The following FBXL20 variants were observed in gnomAD, a reference collection of about 807,000 sequenced individuals.
FBXL20 encodes F-box/LRR-repeat protein 20.
In FBXL20, 11 loss-of-function variants were observed where a neutral mutation model predicts 64.0. The ratio of observed to expected loss-of-function variants is 0.17; its 90% confidence interval spans 0.11 to 0.28. The LOEUF is 0.28. Among genes scored for constraint, FBXL20 ranks in the 10% least tolerant of loss-of-function variants. The probability of loss-of-function intolerance (pLI) is 1.00; values close to 1 mark genes in which losing one functional copy is unlikely to be tolerated. For synonymous variants in FBXL20, 184 were observed against 189.0 expected, an observed-to-expected ratio of 0.97 and a Z score of 0.22; for missense variants, 303 against 526.2, an observed-to-expected ratio of 0.58 and a Z score of 4.15.
chr17:39,376,637 C>A (rs1272486379), intron 1 of FBXL20, among the ~76,000 whole-genome samples: 1 of 152,182 alleles, frequency 6.6e-6, no homozygotes, highest in Non-Finnish European at 1.5e-5. Context: ...TACACAAATG[C>A]CTCTGGCAAA....
chr17:39,313,815 A>G (rs2047259122), intron 2 of FBXL20, among the ~76,000 whole-genome samples: 1 of 151,856 alleles, frequency 6.6e-6, no homozygotes. Context: ...TTGTATTTTA[A>G]GTAGAGATGC....
chr17:39,293,280 G>A (rs2047057054), intron 6 of FBXL20, among the ~76,000 whole-genome samples: 1 of 151,476 alleles, frequency 6.6e-6, no homozygotes, highest in Non-Finnish European at 1.5e-5. Flanking sequence ...GGAGTGCAGT[G>A]GCATGATCTC....
chr17:39,402,180 T>G, upstream of FBXL20: 1 of 1,232,708 alleles, frequency 8.1e-7, no homozygotes, highest in Admixed American at 4.2e-5. Context: ...CACTGTCGCC[T>G]TGAACCCAAA....
At chr17:39,401,298 C>G in intron 1 of FBXL20, 63 bp downstream of exon 1, 1 of 1,610,884 alleles carries the variant, frequency 6.2e-7, no homozygotes, top group South Asian at 1.1e-5. Flanking sequence ...GCGGAGCGGA[C>G]GTTTTGGGAT....
chr17:39,390,458 G>C (rs906636349), intron 1 of FBXL20, among the ~76,000 whole-genome samples: 8 of 151,938 alleles, frequency 5.3e-5, no homozygotes, highest in Admixed American at 5.2e-4. Context: ...CTACTAGGGA[G>C]GCTGAGGCAG....
chr17:39,392,371 C>T (rs918279836), intron 1 of FBXL20, among the ~76,000 whole-genome samples: 38 of 144,814 alleles, frequency 2.6e-4, no homozygotes, highest in African/African-American at 9.4e-4. Context: ...ACCTGGGAGG[C>T]GGAGGTTGCA....
chr17:39,263,161 G>A (rs967661327), intron 14 of FBXL20, among the ~76,000 whole-genome samples: 6 of 150,464 alleles, frequency 4.0e-5, no homozygotes, highest in African/African-American at 9.8e-5. Context: ...TGGGAGGATC[G>A]CTTGAGGCCA....
chr17:39,312,407 C>A (rs1005288365), intron 2 of FBXL20, among the ~76,000 whole-genome samples: 2 of 150,156 alleles, frequency 1.3e-5, no homozygotes, highest in Non-Finnish European at 3.0e-5. Context: ...GACCTATACT[C>A]CATCTCAAAA....
At chr17:39,322,163 CAAAAAAAAAAA>C (rs761771926) in intron 2 of FBXL20, among the ~76,000 whole-genome samples, 31 of 52,552 alleles carry the variant, frequency 5.9e-4, no homozygotes, top group African/African-American at 1.7e-3. Flanking sequence ...CTATCTCTAC[CAAAAAAAAAAA>C]AAAAAAAAAA....
chr17:39,382,424 C>G (rs1192166727), intron 1 of FBXL20, among the ~76,000 whole-genome samples: 9 of 118,012 alleles, frequency 7.6e-5, no homozygotes, highest in African/African-American at 2.5e-4. Flanking sequence ...GCCACAGCAA[C>G]AGAGAGAGAC....
At chr17:39,265,686 AATT>A (rs2046784871) in intron 12 of FBXL20, among the ~76,000 whole-genome samples, 1 of 145,164 alleles carries the variant, frequency 6.9e-6, no homozygotes, top group Non-Finnish European at 1.5e-5. Context: ...AAATTAAAAA[AATT>A]TTTTTTTTTT....
At chr17:39,389,346 A>G (rs1001234125) in intron 1 of FBXL20, among the ~76,000 whole-genome samples, 30 of 152,256 alleles carry the variant, frequency 2.0e-4, no homozygotes, top group Non-Finnish European at 2.6e-4. Flanking sequence ...ATAAGTTGTG[A>G]TATGATTTTG....
At chr17:39,402,081 C>G, upstream of FBXL20, 7 of 1,124,098 alleles carry the variant, frequency 6.2e-6, no homozygotes, top group South Asian at 2.7e-4. Context: ...AGCCTCTGCC[C>G]GCGCCCGTCG....
intron 10 of FBXL20, among the ~76,000 whole-genome samples, chr17:39,273,177 C>T (rs894372798): frequency 1.3e-5 from 2 of 152,014 alleles, no homozygotes; most frequent in African/African-American, 4.8e-5. Context: ...GCCACCACGC[C>T]TGTAATTTTT....
intron 2 of FBXL20, 65 bp from the exon 3 acceptor site, chr17:39,303,704 T>A: frequency 7.1e-7 from 1 of 1,418,130 alleles, no homozygotes. Context: ...TTATTTATTT[T>A]GAGACAGGGT....
chr17:39,337,879 C>T (rs1478207035), intron 2 of FBXL20, among the ~76,000 whole-genome samples: 1 of 151,386 alleles, frequency 6.6e-6, no homozygotes, highest in African/African-American at 2.4e-5. Context: ...GGGGTCAGGC[C>T]CCGCCCGGCC....
At chr17:39,371,664 C>CTT (rs76801256) in intron 1 of FBXL20, among the ~76,000 whole-genome samples, 2 of 143,164 alleles carry the variant, frequency 1.4e-5, no homozygotes, top group African/African-American at 5.1e-5. Flanking sequence ...TTACTTTTTT[C>CTT]TTTTTTTTTT....
chr17:39,370,405 G>T (rs577307844), intron 1 of FBXL20, among the ~76,000 whole-genome samples: 1 of 151,826 alleles, frequency 6.6e-6, no homozygotes, highest in East Asian at 1.9e-4. Context: ...CAGAAGCATC[G>T]CTTGAACCCG....
intron 1 of FBXL20, among the ~76,000 whole-genome samples, chr17:39,349,352 A>C (rs1375316550): frequency 1.0e-5 from 1 of 97,830 alleles, no homozygotes; most frequent in Non-Finnish European, 2.0e-5. Context: ...AAAAAAAAAA[A>C]GGCTGGGATT....
Sources: gnomAD v4.1 joint callset for allele counts (sites outside exome capture counted in the v4.1 genomes callset) on GRCh38, gnomAD v4.1.1 for gene constraint, MANE v1.5 for transcripts, NCBI Gene and HGNC (gene_info 2026-07-23, HGNC 2026-07-21) for gene names.